The following ERBB4 variants were observed in gnomAD, a reference collection of about 807,000 sequenced individuals.
The protein encoded by ERBB4 is erb-b2 receptor tyrosine kinase 4, also known as receptor tyrosine-protein kinase erbB-4.
Under a neutral mutation model 158.0 loss-of-function variants are expected in ERBB4, and 42 were observed. That is an observed-to-expected ratio of 0.27 (90% confidence interval 0.21 to 0.34). The LOEUF (loss-of-function observed/expected upper bound fraction) is 0.34. ERBB4 is among the 10% of genes least tolerant of loss of function. ERBB4 has a pLI of 1.00. For missense variants in ERBB4, 1,333 were observed against 1,624.1 expected (o/e 0.82, Z 3.08); for synonymous variants, 583 against 558.7 (o/e 1.04, Z -0.61).
At chr2:212,490,627 GAA>G (rs1690223044) in intron 1 of ERBB4, among the ~76,000 whole-genome samples, 1 of 151,904 alleles carries the variant, frequency 6.6e-6, no homozygotes, top group South Asian at 2.1e-4. Flanking sequence ...AATAGTGTGT[GAA>G]AGACATTTTC....
rs1553630490 is a variant in ERBB4 at position 211,773,631 on chromosome 2, T to TATATAAA, written c.556+14393_556+14394insTTTATAT. ...ATATATATATATATATATATATATA[T>TATATAAA]ATATATATATATATATAATATATAT... is the stretch of plus-strand genomic sequence containing the variant. On this transcript the variant is annotated intron_variant, in intron 4 of 27. Coordinates refer to ENST00000342788, the MANE Select transcript of ERBB4 (RefSeq NM_005235.3). 7.0e-4 allele frequency among the ~76,000 whole-genome samples: 64 copies of TATATAAA among 91,232 alleles called. 2 individuals carry two copies. The highest frequency in any genetic ancestry group is 4.4e-3 in the African/African-American group (63 of 14,350). 59.9% of individuals were successfully genotyped at this position (91,232 alleles called of 152,430 possible). A position where few individuals can be genotyped will look rare whatever the true frequency, so the allele number is the denominator to read the frequency against.
At chr2:211,922,564 C>A (rs1286174199) in intron 3 of ERBB4, among the ~76,000 whole-genome samples, 2 of 151,998 alleles carry the variant, frequency 1.3e-5, no homozygotes, top group African/African-American at 2.4e-5. Context: ...AGGGTCCCAA[C>A]CTTTACTGAG....
Position 211,580,000 on chromosome 2 carries a change from T to C in ERBB4, c.2302-17912A>G, listed in dbSNP as rs116657561. Among the ~76,000 whole-genome samples the C allele has an allele frequency of 1.7e-3, 262 of 152,304 alleles. 1 individual carries two copies. Among genetic ancestry groups the C allele is most frequent in the African/African-American group, 5.8e-3 (242 of 41,558 alleles). The stretch of plus-strand genomic sequence containing the variant: ...AGTTGTCAACTCATATCCAATTTTA[T>C]ATTAAAGAATATCAAACTGGGGGAC... On this transcript the variant is annotated intron_variant, in intron 19 of 27. Coordinates refer to ENST00000342788, the MANE Select transcript of ERBB4 (RefSeq NM_005235.3).
chr2:211,417,104 A>C (rs1291326268), intron 25 of ERBB4, among the ~76,000 whole-genome samples: 1 of 152,146 alleles, frequency 6.6e-6, no homozygotes, highest in Non-Finnish European at 1.5e-5. Flanking sequence ...CGGTTTGCAG[A>C]AGTTAAATAG....
In ERBB4 at chr2:211,424,171, G is replaced by A; in HGVS notation, c.2850C>T (p.Tyr950=). The stretch of plus-strand genomic sequence containing the variant: ...CAGTCTTACATTTGACCATGACCAT[G>A]TAAACGTCAATAGTGCAGATGGGAG... The part of the protein sequence containing the change: ...PQPPICTIDV[Y]MVMVKCWMID... The change falls in exon 23 of 28, where the codon TAC becomes TAT. Residue 950 remains tyrosine, a synonymous_variant. Coordinates refer to ENST00000342788, the MANE Select transcript of ERBB4 (RefSeq NM_005235.3). 1 of 1,613,220 alleles carries A rather than the reference G, an allele frequency of 6.2e-7. No homozygotes were observed. Among genetic ancestry groups the A allele is most frequent in the Non-Finnish European group, 8.5e-7 (1 of 1,179,384 alleles).
At chr2:212,307,075 A>G (rs2086836750) in intron 1 of ERBB4, among the ~76,000 whole-genome samples, 1 of 151,334 alleles carries the variant, frequency 6.6e-6, no homozygotes. Context: ...TAAAAAGTAC[A>G]TCAAACTTGA....
intron 3 of ERBB4, among the ~76,000 whole-genome samples, chr2:211,813,124 G>A (rs138248164): frequency 4.1e-4 from 63 of 152,268 alleles, no homozygotes; most frequent in African/African-American, 1.4e-3. Flanking sequence ...TGTCTTCTGC[G>A]TCAATCACGC....
chr2:212,029,814 T>C (rs2076858871), intron 2 of ERBB4, among the ~76,000 whole-genome samples: 1 of 152,152 alleles, frequency 6.6e-6, no homozygotes, highest in Non-Finnish European at 1.5e-5. Context: ...CTCAGGATAA[T>C]ACCGAGTGTG....
rs57567965 is a variant in ERBB4, at chr2:212,102,090, TTA to T, written c.234+22660_234+22661del. ...AAATCATATACGTTGAAAATTTATT[TTA>T]TATATATATATATATATATATGTCA... On this transcript the variant is annotated intron_variant, in intron 2 of 27. Coordinates refer to ENST00000342788, the MANE Select transcript of ERBB4 (RefSeq NM_005235.3). Among the ~76,000 whole-genome samples the T allele has an allele frequency of 4.7e-4, 51 of 108,006 alleles. 1 individual carries two copies. The highest frequency in any genetic ancestry group is 1.6e-3 in the East Asian group (7 of 4,394). 70.9% of individuals were successfully genotyped at this position (108,006 alleles called of 152,430 possible).
chr2:211,466,342 T>A (rs2064687833), intron 20 of ERBB4, among the ~76,000 whole-genome samples: 1 of 139,342 alleles, frequency 7.2e-6, no homozygotes, highest in Admixed American at 7.1e-5. Flanking sequence ...GTTTTTTTTT[T>A]TTTTTTTAAA....
intron 3 of ERBB4, among the ~76,000 whole-genome samples, chr2:211,916,524 T>G (rs2079696753): frequency 1.3e-5 from 2 of 152,262 alleles, no homozygotes; most frequent in South Asian, 2.1e-4. Flanking sequence ...ACCTATAAAT[T>G]TTGTATCAGT....
At chr2:212,171,319 A>G (rs1403212508) in intron 1 of ERBB4, among the ~76,000 whole-genome samples, 1 of 95,856 alleles carries the variant, frequency 1.0e-5, no homozygotes, top group Non-Finnish European at 2.3e-5. Context: ...GGAAGTAACT[A>G]ACTTGTTTTT....
At chr2:211,669,935 G>A (rs958998573) in intron 14 of ERBB4, among the ~76,000 whole-genome samples, 1 of 152,142 alleles carries the variant, frequency 6.6e-6, no homozygotes, top group African/African-American at 2.4e-5. Flanking sequence ...GAAAGTGATA[G>A]CATGCTTCAG....
chr2:211,684,075 C>T (rs1270564730), intron 12 of ERBB4, among the ~76,000 whole-genome samples: 1 of 151,804 alleles, frequency 6.6e-6, no homozygotes, highest in Admixed American at 6.6e-5. Context: ...ACTTTTTGTT[C>T]TTTATATATT....
chr2:212,133,981 A>G (rs1214037077), intron 1 of ERBB4, among the ~76,000 whole-genome samples: 2 of 152,196 alleles, frequency 1.3e-5, no homozygotes, highest in Non-Finnish European at 2.9e-5. Context: ...AATCCAGCTT[A>G]ACTGTTATGA....
chr2:212,057,458 C>G (rs1227089726), intron 2 of ERBB4, among the ~76,000 whole-genome samples: 1 of 152,152 alleles, frequency 6.6e-6, no homozygotes, highest in African/African-American at 2.4e-5. Flanking sequence ...ACTCTCCACC[C>G]CAAATCAACA....
At chr2:211,771,850 G>T (rs2075699519) in intron 4 of ERBB4, among the ~76,000 whole-genome samples, 1 of 152,082 alleles carries the variant, frequency 6.6e-6, no homozygotes, top group South Asian at 2.1e-4. Flanking sequence ...AACGGAACTG[G>T]CCTCAGCCTA....
intron 1 of ERBB4, among the ~76,000 whole-genome samples, chr2:212,238,055 T>A (rs1320575840): frequency 6.6e-6 from 1 of 152,220 alleles, no homozygotes; most frequent in Non-Finnish European, 1.5e-5. Flanking sequence ...ACTTAACTCC[T>A]GGGCTTCCGC....
At chr2:212,520,686 T>A (rs1199519748) in intron 1 of ERBB4, among the ~76,000 whole-genome samples, 2 of 152,012 alleles carry the variant, frequency 1.3e-5, no homozygotes, top group Non-Finnish European at 2.9e-5. Flanking sequence ...TTGAAAAAGT[T>A]TCCACATTGG....
Sources: gnomAD v4.1 joint callset for allele counts (sites outside exome capture counted in the v4.1 genomes callset) on GRCh38, gnomAD v4.1.1 for gene constraint, MANE v1.5 for transcripts, NCBI Gene and HGNC (gene_info 2026-07-23, HGNC 2026-07-21) for gene names.